Variants in MYLIP observed in about 807,000 individuals in gnomAD.
MYLIP encodes myosin regulatory light chain interacting protein.
In MYLIP, 26 loss-of-function variants were observed where a neutral mutation model predicts 45.8. The ratio of observed to expected loss-of-function variants is 0.57; its 90% CI spans 0.42 to 0.79. The LOEUF is 0.79. Among genes scored for constraint, MYLIP ranks in the 30% least tolerant of loss-of-function variants. MYLIP has a pLI of 0.00. For missense variants in MYLIP, 494 were observed against 555.6 expected (o/e 0.89, Z 1.11); for synonymous variants, 213 against 218.1 (o/e 0.98, Z 0.21).
In MYLIP at chr6:16,143,816, G is replaced by A. The variant is rs767024725; in HGVS notation, c.780G>A (p.Ala260=). The part of the protein sequence containing the change: ...VLLFKMISTR[A]ASGLYRAITE... ...TGTTTAAAATGATCAGCACCAGGGCGGCCAGCGGGCTCTACCGAGCGATAA... is the reference window on the plus strand; with the variant it reads ...TGTTTAAAATGATCAGCACCAGGGCAGCCAGCGGGCTCTACCGAGCGATAA... The change falls in exon 5 of 7, where the codon GCG becomes GCA. Residue 260 remains alanine, a synonymous_variant. Coordinates refer to ENST00000356840, the MANE Select transcript of MYLIP (RefSeq NM_013262.4). 39 of 1,613,292 alleles carry A rather than the reference G, an allele frequency of 2.4e-5. No homozygotes were observed. The highest frequency in any genetic ancestry group is 5.5e-5 in the South Asian group (5 of 91,000).
chr6:16,149,656 A>C (rs1048646210), downstream of MYLIP, among the ~76,000 whole-genome samples: 1 of 152,230 alleles, frequency 6.6e-6, no homozygotes, highest in Non-Finnish European at 1.5e-5. Flanking sequence ...CTTCAGAACA[A>C]GGAACTTTTG....
At chr6:16,157,185 T>C in the MYLIP span, among the ~76,000 whole-genome samples, 1 of 152,336 alleles carries the variant, frequency 6.6e-6, no homozygotes, top group African/African-American at 2.4e-5. Flanking sequence ...AGGGAGCGCT[T>C]TTCCCTTGCT....
chr6:16,141,594 AG>A, intron 2 of MYLIP, 30 bp from the exon 3 acceptor site: 1 of 1,579,094 alleles, frequency 6.3e-7, no homozygotes, highest in South Asian at 1.1e-5. Context: ...GTTATCCCCA[AG>A]CATAACCTCA....
At chr6:16,155,466 G>A in the MYLIP span, among the ~76,000 whole-genome samples, 13 of 152,326 alleles carry the variant, frequency 8.5e-5, no homozygotes, top group South Asian at 2.5e-3. Flanking sequence ...AAGAACAAGG[G>A]AATGAAAAAT....
At position 16,129,294 on chromosome 6, in the gene MYLIP, C is replaced by A; in HGVS notation, c.-29C>A. The A allele has an allele frequency of 6.5e-7, 1 of 1,548,622 alleles. No individual in the cohort carries two copies. The highest frequency in any genetic ancestry group is 1.2e-5 in the South Asian group (1 of 84,120). On this transcript the variant is annotated 5_prime_UTR_variant, in exon 1 of 7. Coordinates refer to ENST00000356840, the MANE Select transcript of MYLIP (RefSeq NM_013262.4). The surrounding 1 kb of genome is among the most constrained non-coding windows in gnomAD (Gnocchi z 5.1). ...AGCCCCGCGCACACCAAAGAGAAGG[C>A]GGCTGTGGCGGCAGCGGCAGCCCCA... is the stretch of plus-strand genomic sequence containing the variant.
rs1459697203 is a variant in MYLIP, at chr6:16,143,872, C to A, written c.827+9C>A. ...ACGCACGCATTCTACAGGCACGTAT[C>A]TCGTGTGCTTGGTCACCTCAGCACC... On this transcript the variant is annotated intron_variant, in intron 5 of 6. Transcript: ENST00000356840. 1.4e-5 allele frequency: 22 copies of A among 1,611,060 alleles called. No individual in the cohort carries two copies. The highest frequency in any genetic ancestry group is 3.5e-4 in the Middle Eastern group (2 of 5,776).
In MYLIP at chr6:16,129,307, A is replaced by G; in HGVS notation, c.-16A>G. Reference sequence around the variant, plus strand: ...CCAAAGAGAAGGCGGCTGTGGCGGCAGCGGCAGCCCCAGCCATGCTGTGTT... The same window carrying G: ...CCAAAGAGAAGGCGGCTGTGGCGGCGGCGGCAGCCCCAGCCATGCTGTGTT... On this transcript the variant is annotated 5_prime_UTR_variant, in exon 1 of 7. Transcript: ENST00000356840. This position sits in a 1 kb window ranked among gnomAD's most constrained non-coding sequence, Gnocchi z 5.1. The G allele has an allele frequency of 6.4e-7, 1 of 1,555,410 alleles. No homozygotes were observed. The highest frequency in any genetic ancestry group is 8.7e-7 in the Non-Finnish European group (1 of 1,150,750).
rs201036784 is a variant in MYLIP, at chr6:16,143,875, G to A, written c.827+12G>A. ...CACGCATTCTACAGGCACGTATCTC[G>A]TGTGCTTGGTCACCTCAGCACCACA... is the stretch of plus-strand genomic sequence containing the variant. On this transcript the variant is annotated intron_variant, in intron 5 of 6. Coordinates refer to ENST00000356840, the MANE Select transcript of MYLIP (RefSeq NM_013262.4). The A allele has an allele frequency of 2.8e-5, 45 of 1,610,234 alleles. No homozygotes were observed. The highest frequency in any genetic ancestry group is 1.8e-4 in the Middle Eastern group (1 of 5,682).
At chr6:16,132,532 G>C (rs1759479194) in intron 2 of MYLIP, among the ~76,000 whole-genome samples, 1 of 152,124 alleles carries the variant, frequency 6.6e-6, no homozygotes, top group African/African-American at 2.4e-5. Context: ...AGTTAAGTGT[G>C]ACCTTAACTT....
the MYLIP span, among the ~76,000 whole-genome samples, chr6:16,162,041 T>A: frequency 1.3e-5 from 2 of 152,252 alleles, no homozygotes; most frequent in Non-Finnish European, 2.9e-5. Context: ...GCATAATATT[T>A]GTGAGAATTT....
chr6:16,143,588 G>A (rs965834103), intron 4 of MYLIP, 111 bp from the exon 5 acceptor site: 3 of 1,092,142 alleles, frequency 2.7e-6, no homozygotes, highest in Non-Finnish European at 4.0e-6. Flanking sequence ...CCCAGAGGAA[G>A]CGTCTGATTT....
the MYLIP span, among the ~76,000 whole-genome samples, chr6:16,156,026 G>A: frequency 6.6e-6 from 1 of 152,150 alleles, no homozygotes; most frequent in Non-Finnish European, 1.5e-5. Context: ...GTGATGAAGG[G>A]AACCTGAAAA....
Position 16,141,655 on chromosome 6 carries a change from C to T in MYLIP, c.309C>T (p.Ala103=), listed in dbSNP as rs1215250910. The change falls in exon 3 of 7, where the codon GCC becomes GCT. Residue 103 remains alanine (A), a synonymous_variant. Transcript: ENST00000356840. The part of the protein sequence containing the change: ...RHIFFLHIKE[A]LLAGHLLCSP... Reference sequence around the variant, plus strand: ...TCTTTTTCTTGCACATCAAGGAGGCCCTCTTGGCAGGCCACCTCTTGTGTT... The same window carrying T: ...TCTTTTTCTTGCACATCAAGGAGGCTCTCTTGGCAGGCCACCTCTTGTGTT... 3 of 1,613,550 alleles carry T rather than the reference C, an allele frequency of 1.9e-6. No individual in the cohort carries two copies. Among genetic ancestry groups the T allele is most frequent in the South Asian group, 2.2e-5 (2 of 91,030 alleles).
At position 16,130,753 on chromosome 6, in the gene MYLIP, G is replaced by T; in HGVS notation, c.278+6G>T. 6.2e-6 allele frequency: 10 copies of T among 1,611,788 alleles called. No homozygotes were observed. Among genetic ancestry groups the T allele is most frequent in the Non-Finnish European group, 8.5e-6 (10 of 1,178,754 alleles). ...ATCTTACAGGAGCAGACTAGGTAAA[G>T]TGAGCTAAAATAAACCAATGTCAAA... is the stretch of plus-strand genomic sequence containing the variant. On this transcript the variant is annotated splice_donor_region_variant and intron_variant, in intron 2 of 6. Transcript: ENST00000356840.
intron 2 of MYLIP, among the ~76,000 whole-genome samples, chr6:16,131,837 T>A (rs1429390501): frequency 1.3e-5 from 2 of 152,208 alleles, no homozygotes; most frequent in African/African-American, 4.8e-5. Flanking sequence ...GTAATCGAGC[T>A]TTAAAGGTTG....
the MYLIP span, among the ~76,000 whole-genome samples, chr6:16,156,853 G>C: frequency 6.6e-6 from 1 of 152,226 alleles, no homozygotes; most frequent in Non-Finnish European, 1.5e-5. Context: ...ACAAGGGCCA[G>C]TATCATTCCA....
At chr6:16,142,346 C>T (rs1759691264) in intron 3 of MYLIP, among the ~76,000 whole-genome samples, 1 of 152,174 alleles carries the variant, frequency 6.6e-6, no homozygotes, top group African/African-American at 2.4e-5. Context: ...GTACAAATCT[C>T]CTAAAATAAA....
intron 5 of MYLIP, among the ~76,000 whole-genome samples, 156 bp from the exon 6 acceptor site, chr6:16,144,741 A>C (rs1414561967): frequency 1.3e-5 from 2 of 152,208 alleles, no homozygotes; most frequent in African/African-American, 4.8e-5. Flanking sequence ...AATCACTGAG[A>C]ATATTTACCA....
intron 2 of MYLIP, among the ~76,000 whole-genome samples, chr6:16,140,523 T>C (rs1759646669): frequency 6.6e-6 from 1 of 152,128 alleles, no homozygotes; most frequent in Non-Finnish European, 1.5e-5. Flanking sequence ...ATAATATACA[T>C]GTTATGTCAA....
Sources: allele counts gnomAD v4.1 joint callset (sites outside exome capture counted in the v4.1 genomes callset), GRCh38; gene constraint gnomAD v4.1.1; non-coding constraint Gnocchi (gnomAD v3.1); transcripts MANE v1.5; gene names NCBI Gene and HGNC (gene_info 2026-07-23, HGNC 2026-07-21).